The following HHIPL1 variants were observed in gnomAD, a reference collection of about 807,000 sequenced individuals.
HHIPL1 encodes HHIP-like protein 1.
In HHIPL1, 43 loss-of-function variants were observed where a neutral mutation model predicts 61.8. The ratio of observed to expected loss-of-function variants is 0.70; its 90% CI spans 0.55 to 0.90. The LOEUF (loss-of-function observed/expected upper bound fraction) is 0.90. Ranked by LOEUF, HHIPL1 falls within the 40% of genes least tolerant of loss-of-function variation. The pLI is 0.00. For synonymous variants in HHIPL1, 482 were observed against 515.8 expected (o/e 0.93, Z 0.89); for missense variants, 1,056 against 1,157.7 (o/e 0.91, Z 1.28).
rs1476558749 is a variant in HHIPL1, at chr14:99,675,440, C to G, written c.2163C>G (p.Ala721=). The stretch of plus-strand genomic sequence containing the variant: ...GTCGCCAGCTGGGGTTTGCCTACGC[C>G]GTGCGCGCCGTCAAGAGAGCCGAGT... ...VVCRQLGFAY[A]VRAVKRAEFG... is the part of the protein sequence containing the mutation. Residue 721 remains alanine, a synonymous_variant, in exon 9 of 9, where the codon GCC becomes GCG. Coordinates refer to ENST00000330710, the MANE Select transcript of HHIPL1 (RefSeq NM_001127258.3). This position sits in a 1 kb window ranked among gnomAD's most constrained non-coding sequence, Gnocchi z 5.4. 3 of 1,537,676 alleles carry G rather than the reference C, an allele frequency of 2.0e-6. No individual in the cohort carries two copies. The highest frequency in any genetic ancestry group is 3.9e-5 in the Admixed American group (2 of 50,936).
chr14:99,627,195 CCCAT>C, the HHIPL1 span, among the ~76,000 whole-genome samples: 30,407 of 147,366 alleles, frequency 0.21, 3,502 homozygotes, highest in East Asian at 0.41. The surrounding 1 kb of genome is among the most constrained non-coding windows in gnomAD (Gnocchi z 4.4). Flanking sequence ...CTTCTATCTT[CCCAT>C]CCATCCATCC....
In HHIPL1 at chr14:99,668,828, C is replaced by T. The variant is rs111399236; in HGVS notation, c.1730+525C>T. On this transcript the variant is annotated intron_variant, in intron 7 of 8. Transcript: ENST00000330710. This position sits in a 1 kb window ranked among gnomAD's most constrained non-coding sequence, Gnocchi z 4.7. Reference sequence around the variant, plus strand: ...CGGCTCCATCTCCCCGGCTTCCCTTCTAGCTGTAAGGCCAGAAGCGCCATG... The same window carrying T: ...CGGCTCCATCTCCCCGGCTTCCCTTTTAGCTGTAAGGCCAGAAGCGCCATG... 5.5e-5 allele frequency: 89 copies of T among 1,613,596 alleles called. No individual in the cohort carries two copies. The African/African-American group carries it at 8.9e-4, about 16-fold the overall frequency.
Position 99,652,790 on chromosome 14 carries a change from C to T in HHIPL1, c.822C>T (p.Ile274=). The T allele has an allele frequency of 1.2e-6, 2 of 1,614,120 alleles. No homozygotes were observed. The highest frequency in any genetic ancestry group is 3.3e-5 in the Admixed American group (2 of 60,028). ...RRLYVYYSVG[I]RSSEWIRISE... The stretch of plus-strand genomic sequence containing the variant: ...TCTACGTCTACTACTCAGTGGGTAT[C>T]CGCAGCAGTGAGTGGATCCGCATCA... The change falls in exon 2 of 9, where the codon ATC becomes ATT. Residue 274 remains isoleucine, a synonymous_variant. Transcript: ENST00000330710.
At chr14:99,646,836 T>TG (rs1280524781) in intron 1 of HHIPL1, among the ~76,000 whole-genome samples, 49 of 79,662 alleles carry the variant, frequency 6.2e-4, no homozygotes, top group African/African-American at 2.4e-3. Context: ...TGATATGATA[T>TG]AATATAATAT....
At position 99,652,671 on chromosome 14, in the gene HHIPL1, A is replaced by G; in HGVS notation, c.703A>G (p.Ile235Val). 6.2e-7 allele frequency: 1 copy of G among 1,613,872 alleles called. No individual in the cohort carries two copies. Among genetic ancestry groups the G allele is most frequent in the Non-Finnish European group, 8.5e-7 (1 of 1,179,954 alleles). Residue 235 changes from isoleucine to valine, a missense_variant, in exon 2 of 9, where the codon ATC becomes GTC. Transcript: ENST00000330710. ...RSRLGKPFLN[I>V]SRVVLTSPWE... ...GAGGCTGGGGAAGCCTTTCCTGAAC[A>G]TCAGCCGGGTGGTGCTCACCTCGCC...
At chr14:99,614,898 A>T in the HHIPL1 span, among the ~76,000 whole-genome samples, 24,101 of 152,146 alleles carry the variant, frequency 0.16, 2,438 homozygotes, top group Admixed American at 0.31. Flanking sequence ...ATAAAATCAA[A>T]AAATTATCTG....
In HHIPL1 at chr14:99,656,147, A is replaced by G. The variant is rs144862983; in HGVS notation, c.903-853A>G. ...AGAAGCTGCAAATGAGAGAGTACAT[A>G]AGATGAGCTCAACATAAGTAACTAG... On this transcript the variant is annotated intron_variant, in intron 2 of 8. Transcript: ENST00000330710. Among the ~76,000 whole-genome samples, 49 of 152,334 alleles carry G rather than the reference A, an allele frequency of 3.2e-4. 1 individual carries two copies. The highest frequency in any genetic ancestry group is 1.2e-3 in the African/African-American group (49 of 41,576).
chr14:99,669,169 G>A, intron 7 of HHIPL1: 1 of 1,329,312 alleles, frequency 7.5e-7, no homozygotes, highest in Non-Finnish European at 9.6e-7. Flanking sequence ...GGGAGTCTCA[G>A]GGCCAAGCCT....
At chr14:99,615,721 GAGAA>G in the HHIPL1 span, among the ~76,000 whole-genome samples, 26 of 151,704 alleles carry the variant, frequency 1.7e-4, no homozygotes, top group Admixed American at 4.6e-4. Context: ...AGGAAAGAAA[GAGAA>G]AGAAAGAAAG....
the HHIPL1 span, among the ~76,000 whole-genome samples, chr14:99,629,546 G>A: frequency 6.6e-6 from 1 of 151,920 alleles, no homozygotes; most frequent in Non-Finnish European, 1.5e-5. Context: ...CGCCCAGGCT[G>A]GAGTGCAGTG....
the HHIPL1 span, among the ~76,000 whole-genome samples, chr14:99,636,368 A>T: frequency 2.0e-5 from 3 of 152,232 alleles, no homozygotes; most frequent in Non-Finnish European, 4.4e-5. Flanking sequence ...CTTGGTGCTG[A>T]CATGAGGCCC....
In HHIPL1 at chr14:99,652,213, T is replaced by C; in HGVS notation, c.256-11T>C. ...CCACAAAACATCTCTGAGCCATTAC[T>C]GTCTCTGCAGGAATGCTCGCCGTAT... On this transcript the variant is annotated splice_polypyrimidine_tract_variant and intron_variant, in intron 1 of 8. Transcript: ENST00000330710. 2 of 1,577,716 alleles carry C rather than the reference T, an allele frequency of 1.3e-6. No homozygotes were observed. Among genetic ancestry groups the C allele is most frequent in the Non-Finnish European group, 1.7e-6 (2 of 1,160,278 alleles).
intron 2 of HHIPL1, among the ~76,000 whole-genome samples, chr14:99,654,456 C>T (rs1219085936): frequency 2.0e-5 from 3 of 152,162 alleles, no homozygotes; most frequent in African/African-American, 7.2e-5. Flanking sequence ...CCCAGTGCTC[C>T]TCCCTCTCCA....
At chr14:99,621,931 A>G in the HHIPL1 span, among the ~76,000 whole-genome samples, 16 of 151,856 alleles carry the variant, frequency 1.1e-4, no homozygotes, top group East Asian at 1.9e-4. Flanking sequence ...TGGCCAGGAT[A>G]GTCTCGATCT....
intron 2 of HHIPL1, among the ~76,000 whole-genome samples, chr14:99,654,068 A>C (rs1393987197): frequency 1.3e-5 from 2 of 152,058 alleles, no homozygotes; most frequent in African/African-American, 4.8e-5. Context: ...GGTTATCTGT[A>C]ATCCCAGCTA....
At chr14:99,648,095 C>T (rs1378706726) in intron 1 of HHIPL1, among the ~76,000 whole-genome samples, 1 of 152,012 alleles carries the variant, frequency 6.6e-6, no homozygotes, top group East Asian at 1.9e-4. Context: ...GATGCTGGGC[C>T]CAAAAACAGT....
chr14:99,638,879 C>T, the HHIPL1 span, among the ~76,000 whole-genome samples: 1 of 152,376 alleles, frequency 6.6e-6, no homozygotes, highest in Non-Finnish European at 1.5e-5. Flanking sequence ...CATCCCACCG[C>T]CACACAAGCA....
At chr14:99,625,949 G>A in the HHIPL1 span, among the ~76,000 whole-genome samples, 1 of 152,158 alleles carries the variant, frequency 6.6e-6, no homozygotes, top group African/African-American at 2.4e-5. Flanking sequence ...GCATAACAGT[G>A]CAAAATTCAA....
At chr14:99,611,040 T>A in the HHIPL1 span, among the ~76,000 whole-genome samples, 6,500 of 152,334 alleles carry the variant, frequency 0.043, 164 homozygotes, top group Middle Eastern at 0.075. Context: ...TTTTCATACA[T>A]TGCCGAATTG....
Sources: allele counts gnomAD v4.1 joint callset (sites outside exome capture counted in the v4.1 genomes callset), GRCh38; gene constraint gnomAD v4.1.1; non-coding constraint Gnocchi (gnomAD v3.1); transcripts MANE v1.5; gene names NCBI Gene and HGNC (gene_info 2026-07-23, HGNC 2026-07-21).